The following MTDH variants were observed in gnomAD, a reference collection of about 807,000 sequenced individuals.
The protein encoded by MTDH is metadherin.
Under a neutral mutation model 72.7 loss-of-function variants are expected in MTDH, and 34 were observed. The ratio of observed to expected loss-of-function variants is 0.47; its 90% CI spans 0.36 to 0.62. The LOEUF is 0.62. Among genes scored for constraint, MTDH ranks in the 20% least tolerant of loss-of-function variants. MTDH has a pLI of 0.00. For synonymous variants in MTDH, 266 were observed against 268.9 expected (o/e 0.99, Z 0.10); for missense variants, 677 against 699.4 (o/e 0.97, Z 0.36).
rs543924774 is a variant in MTDH, at chr8:97,651,534, C to T, written c.381+6647C>T. Among the ~76,000 whole-genome samples, 219 of 152,312 alleles carry T rather than the reference C, an allele frequency of 1.4e-3. 1 individual carries two copies. The highest frequency in any genetic ancestry group is 4.9e-3 in the African/African-American group (204 of 41,564). On this transcript the variant is annotated intron_variant, in intron 1 of 11. Coordinates refer to ENST00000336273, the MANE Select transcript of MTDH (RefSeq NM_178812.4). ...TAAGAAGGTGGAGGCTTGACCTCAG[C>T]TGGGAATGTGCCTGCAGAGTGACTT...
At chr8:97,700,017 C>A (rs934812281) in intron 7 of MTDH, among the ~76,000 whole-genome samples, 165 bp downstream of exon 7, 1 of 151,992 alleles carries the variant, frequency 6.6e-6, no homozygotes, top group Non-Finnish European at 1.5e-5. Context: ...TTATTGAATA[C>A]CTGTAGAATT....
chr8:97,659,629 T>TG (rs1812105156), intron 1 of MTDH, among the ~76,000 whole-genome samples: 1 of 152,242 alleles, frequency 6.6e-6, no homozygotes, highest in Non-Finnish European at 1.5e-5. Context: ...TTTGTATTGT[T>TG]TTCTTGAGTA....
chr8:97,727,708 G>A lies in MTDH; in HGVS notation c.*3038G>A, dbSNP rs1054783690. 1.3e-5 allele frequency: 2 copies of A among 151,980 alleles called. No homozygotes were observed. Among genetic ancestry groups the A allele is most frequent in the African/African-American group, 4.8e-5 (2 of 41,362 alleles). 9.4% of individuals were successfully genotyped at this position (151,980 alleles called of 1,614,324 possible). On this transcript the variant is annotated 3_prime_UTR_variant, in exon 12 of 12. Coordinates refer to ENST00000336273, the MANE Select transcript of MTDH (RefSeq NM_178812.4). ...GAACCTTGCTCATGTTAGCAAGAAA[G>A]GTATCCTAGAGAAGCCACTCAAAAG...
chr8:97,664,825 G>A (rs1351583939), intron 2 of MTDH, among the ~76,000 whole-genome samples: 1 of 149,998 alleles, frequency 6.7e-6, no homozygotes, highest in Non-Finnish European at 1.5e-5. Flanking sequence ...GCAATGGCAC[G>A]ATCTCAGCTC....
intron 1 of MTDH, among the ~76,000 whole-genome samples, chr8:97,650,510 A>G (rs1811729424): frequency 6.6e-6 from 1 of 151,708 alleles, no homozygotes; most frequent in Non-Finnish European, 1.5e-5. Context: ...GCTAAGCTCA[A>G]GTACTCCACC....
At chr8:97,697,150 A>ATTTTTTTTTT (rs59102217) in intron 6 of MTDH, among the ~76,000 whole-genome samples, 53 of 68,574 alleles carry the variant, frequency 7.7e-4, no homozygotes, top group East Asian at 2.7e-3. Flanking sequence ...ATATATATAT[A>ATTTTTTTTTT]TTTTTTTTTT....
chr8:97,684,164 C>T (rs947124726), intron 2 of MTDH, among the ~76,000 whole-genome samples: 14 of 150,460 alleles, frequency 9.3e-5, no homozygotes, highest in Non-Finnish European at 1.9e-4. Context: ...AACGACTAGT[C>T]CAAATTGAGA....
Position 97,690,962 on chromosome 8 carries a change from A to T in MTDH, c.822A>T (p.Gly274=), listed in dbSNP as rs1813581793. The part of the protein sequence containing the change: ...KGDSTLQVSS[G]LNENLTVNGG... ...TTTCTTTTCTTTAAGTTTCTTCAGG[A>T]TTGAATGAAAACCTCACTGTCAATG... is the stretch of plus-strand genomic sequence containing the variant. Residue 274 remains glycine, a synonymous_variant, in exon 6 of 12, where the codon GGA becomes GGT. Coordinates refer to ENST00000336273, the MANE Select transcript of MTDH (RefSeq NM_178812.4). The T allele has an allele frequency of 2.5e-6, 4 of 1,607,740 alleles. No homozygotes were observed. The African/African-American group carries it at 5.4e-5, about 22-fold the overall frequency.
chr8:97,691,711 G>C (rs533016994), intron 6 of MTDH, among the ~76,000 whole-genome samples: 2 of 151,984 alleles, frequency 1.3e-5, no homozygotes, highest in Non-Finnish European at 1.5e-5. Flanking sequence ...GTTTGTGTGT[G>C]TGTGTGTGTG....
intron 1 of MTDH, among the ~76,000 whole-genome samples, chr8:97,653,559 C>T (rs1456780931): frequency 6.6e-6 from 1 of 152,188 alleles, no homozygotes; most frequent in Non-Finnish European, 1.5e-5. Flanking sequence ...AGACCTTTAA[C>T]AGTTCTGACA....
chr8:97,687,759 C>T (rs952703279), intron 4 of MTDH, among the ~76,000 whole-genome samples, 154 bp downstream of exon 4: 7 of 152,158 alleles, frequency 4.6e-5, no homozygotes, highest in East Asian at 1.9e-4. Context: ...AACCATGTAT[C>T]GGTTTACCGA....
chr8:97,656,700 T>G (rs1811992821), intron 1 of MTDH, among the ~76,000 whole-genome samples: 1 of 151,900 alleles, frequency 6.6e-6, no homozygotes, highest in Admixed American at 6.5e-5. Context: ...TGCCTGGTAC[T>G]TGAGTACCAG....
At chr8:97,695,527 T>C (rs1333081440) in intron 6 of MTDH, among the ~76,000 whole-genome samples, 2 of 152,216 alleles carry the variant, frequency 1.3e-5, no homozygotes, top group Admixed American at 6.5e-5. Flanking sequence ...CCTGCCTAGA[T>C]AGACTAGGAC....
intron 2 of MTDH, among the ~76,000 whole-genome samples, chr8:97,671,670 C>T (rs1372062231): frequency 6.6e-6 from 1 of 151,988 alleles, no homozygotes; most frequent in Non-Finnish European, 1.5e-5. Context: ...TGAAGAAGCC[C>T]CATCTCTACT....
intron 4 of MTDH, among the ~76,000 whole-genome samples, chr8:97,688,280 T>G (rs1813445042): frequency 6.6e-6 from 1 of 152,210 alleles, no homozygotes; most frequent in Non-Finnish European, 1.5e-5. Context: ...TGTCTTTTTG[T>G]TAATGACCTT....
At chr8:97,717,479 C>G (rs1461696513) in intron 9 of MTDH, among the ~76,000 whole-genome samples, 1 of 152,208 alleles carries the variant, frequency 6.6e-6, no homozygotes, top group African/African-American at 2.4e-5. Context: ...CTCCTGTCTC[C>G]TGACTAATCA....
chr8:97,702,901 C>A (rs1814192086), intron 7 of MTDH, among the ~76,000 whole-genome samples: 1 of 152,172 alleles, frequency 6.6e-6, no homozygotes, highest in Non-Finnish European at 1.5e-5. Context: ...GAGACAAATT[C>A]CTTACCCTTT....
At chr8:97,698,976 C>T (rs778100702) in intron 6 of MTDH, among the ~76,000 whole-genome samples, 9 of 150,554 alleles carry the variant, frequency 6.0e-5, no homozygotes, top group Non-Finnish European at 1.2e-4. Context: ...CCTATCTCTA[C>T]GAAAAATTTT....
chr8:97,664,979 C>T (rs1309465287), intron 2 of MTDH, among the ~76,000 whole-genome samples: 1 of 152,144 alleles, frequency 6.6e-6, no homozygotes, highest in African/African-American at 2.4e-5. Context: ...CAAGGCTGGT[C>T]GCGAACTCCT....
Sources: gnomAD v4.1 joint callset for allele counts (sites outside exome capture counted in the v4.1 genomes callset) on GRCh38, gnomAD v4.1.1 for gene constraint, MANE v1.5 for transcripts, NCBI Gene and HGNC (gene_info 2026-07-23, HGNC 2026-07-21) for gene names.